The following ZNF787 variants were observed in gnomAD, a reference collection of about 807,000 sequenced individuals.
ZNF787 encodes the protein TTF-I-interacting peptide 20.
Under a neutral mutation model 16.9 loss-of-function variants are expected in ZNF787, and 7 were observed. The observed-to-expected ratio is 0.42, with a 90% CI of 0.24 to 0.78. The LOEUF is 0.78. ZNF787 is among the 30% of genes least tolerant of loss of function. The pLI is 0.30. For missense variants in ZNF787, 551 were observed against 589.3 expected, an observed-to-expected ratio of 0.94 and a Z score of 0.67; for synonymous variants, 345 against 270.9, an observed-to-expected ratio of 1.27 and a Z score of -2.69.
At chr19:56,107,487 C>CTGGGAGACA (rs1986370397) in intron 1 of ZNF787, among the ~76,000 whole-genome samples, 1 of 151,152 alleles carries the variant, frequency 6.6e-6, no homozygotes, top group Non-Finnish European at 1.5e-5. Flanking sequence ...CACGGGGTCA[C>CTGGGAGACA]CGGGAGACAC....
intron 2 of ZNF787, among the ~76,000 whole-genome samples, chr19:56,097,191 A>T (rs1487672230): frequency 6.6e-6 from 1 of 152,200 alleles, no homozygotes; most frequent in Non-Finnish European, 1.5e-5. Flanking sequence ...CCAACAAGGT[A>T]ACCACCTAAG....
chr19:56,100,876 T>C (rs648352), intron 2 of ZNF787, among the ~76,000 whole-genome samples: 102,288 of 110,396 alleles, frequency 0.93, 47,563 homozygotes, highest in Non-Finnish European at 0.97. Context: ...GAGGGACGCA[T>C]GTAGGCGGGA....
chr19:56,112,235 G>A (rs779210645), intron 1 of ZNF787, among the ~76,000 whole-genome samples: 9 of 152,128 alleles, frequency 5.9e-5, no homozygotes, highest in Admixed American at 3.9e-4. Context: ...AAAACCCTGG[G>A]CTATTCAAGG....
chr19:56,098,187 G>C (rs1385612294), intron 2 of ZNF787, among the ~76,000 whole-genome samples: 2 of 152,164 alleles, frequency 1.3e-5, no homozygotes, highest in African/African-American at 4.8e-5. Context: ...AACCACCCAA[G>C]CCTCCCTGGG....
At chr19:56,090,266 G>A (rs530315522) in intron 2 of ZNF787, among the ~76,000 whole-genome samples, 1 of 152,292 alleles carries the variant, frequency 6.6e-6, no homozygotes, top group South Asian at 2.1e-4. Flanking sequence ...CATAAGCTGG[G>A]AGCACAAAAC....
intron 2 of ZNF787, among the ~76,000 whole-genome samples, chr19:56,097,482 G>A (rs902423278): frequency 3.3e-5 from 5 of 152,306 alleles, no homozygotes; most frequent in South Asian, 2.1e-4. Context: ...GCCACGCCTC[G>A]CGTCTCCACT....
intron 2 of ZNF787, among the ~76,000 whole-genome samples, chr19:56,100,421 C>T (rs1002934314): frequency 9.9e-5 from 15 of 152,176 alleles, no homozygotes. Context: ...CTGAGGACCC[C>T]ACAAGGTAGG....
chr19:56,116,601 C>T (rs796512892), intron 1 of ZNF787, among the ~76,000 whole-genome samples: 5 of 152,122 alleles, frequency 3.3e-5, no homozygotes, highest in African/African-American at 9.6e-5. Context: ...AAAAATAAAG[C>T]CTTTATATTA....
chr19:56,089,839 C>A (rs1242970074), intron 2 of ZNF787, among the ~76,000 whole-genome samples: 1 of 152,194 alleles, frequency 6.6e-6, no homozygotes, highest in African/African-American at 2.4e-5. Flanking sequence ...GTCAACGAGG[C>A]CTTTCACACT....
chr19:56,107,822 T>C (rs1481345094), intron 1 of ZNF787, among the ~76,000 whole-genome samples: 3 of 147,786 alleles, frequency 2.0e-5, no homozygotes, highest in Non-Finnish European at 4.5e-5. Context: ...AGGCCGGGCA[T>C]GCTGGGGGCT....
At chr19:56,091,411 G>A (rs1985569583) in intron 2 of ZNF787, among the ~76,000 whole-genome samples, 1 of 152,242 alleles carries the variant, frequency 6.6e-6, no homozygotes, top group South Asian at 2.1e-4. Flanking sequence ...TAAGACAGGG[G>A]CACTGGGGCG....
intron 2 of ZNF787, among the ~76,000 whole-genome samples, chr19:56,098,992 G>A (rs1444659684): frequency 6.6e-6 from 1 of 152,186 alleles, no homozygotes; most frequent in African/African-American, 2.4e-5. Context: ...CCTCGGTGTG[G>A]CCAGGACGTC....
At chr19:56,091,982 G>GAAGCCGAAGCCGAAGCCGAAGCCGAAAC (rs1568523497) in intron 2 of ZNF787, among the ~76,000 whole-genome samples, 4 of 143,678 alleles carry the variant, frequency 2.8e-5, no homozygotes, top group African/African-American at 8.1e-5. Context: ...AAAGCCGAAG[G>GAAGCCGAAGCCGAAGCCGAAGCCGAAAC]CGAAACCGAA....
chr19:56,114,527 GTCTC>G (rs902040398), intron 1 of ZNF787, among the ~76,000 whole-genome samples: 1 of 151,652 alleles, frequency 6.6e-6, no homozygotes, highest in African/African-American at 2.4e-5. Flanking sequence ...GCCAGGCCTG[GTCTC>G]TCTCTCTGAG....
At chr19:56,108,412 C>A (rs536680764) in intron 1 of ZNF787, among the ~76,000 whole-genome samples, 32 of 150,486 alleles carry the variant, frequency 2.1e-4, no homozygotes, top group African/African-American at 6.6e-4. Flanking sequence ...TCCCCAGCTC[C>A]CTCCACCCTG....
At chr19:56,113,383 G>GA (rs1189156501) in intron 1 of ZNF787, among the ~76,000 whole-genome samples, 7 of 152,200 alleles carry the variant, frequency 4.6e-5, no homozygotes, top group Admixed American at 3.3e-4. Flanking sequence ...AGACCCGAGA[G>GA]AAAACATGCG....
chr19:56,091,818 G>C (rs1481480837), intron 2 of ZNF787, among the ~76,000 whole-genome samples: 1 of 152,176 alleles, frequency 6.6e-6, no homozygotes, highest in Non-Finnish European at 1.5e-5. Flanking sequence ...CCAGGAAACC[G>C]CGCTTCACAG....
intron 2 of ZNF787, among the ~76,000 whole-genome samples, chr19:56,100,344 G>A (rs1321164133): frequency 1.3e-5 from 2 of 151,948 alleles, no homozygotes; most frequent in Non-Finnish European, 2.9e-5. Context: ...GGTTCTCTCT[G>A]CCTCCTTCTC....
chr19:56,094,827 G>C (rs1311608325), intron 2 of ZNF787, among the ~76,000 whole-genome samples: 1 of 152,126 alleles, frequency 6.6e-6, no homozygotes, highest in Non-Finnish European at 1.5e-5. Flanking sequence ...ATTCTCATAA[G>C]GGACCAGGCT....
Sources: allele counts gnomAD v4.1 joint callset (sites outside exome capture counted in the v4.1 genomes callset), GRCh38; gene constraint gnomAD v4.1.1; transcripts MANE v1.5; gene names NCBI Gene and HGNC (gene_info 2026-07-23, HGNC 2026-07-21).